Variants in FBXL20 observed in about 807,000 individuals in gnomAD.
FBXL20 encodes the protein F-box and leucine rich repeat protein 20, also known as F-box/LRR-repeat protein 20.
FBXL20 carries 11 observed loss-of-function variants against 64.0 expected under a neutral mutation model. That is an observed-to-expected ratio of 0.17 (90% CI 0.11 to 0.28). FBXL20 has a LOEUF of 0.28. Among genes scored for constraint, FBXL20 ranks in the 10% least tolerant of loss-of-function variants. FBXL20 has a pLI of 1.00. For missense variants in FBXL20, 303 were observed against 526.2 expected (o/e 0.58, Z 4.15); for synonymous variants, 184 against 189.0 (o/e 0.97, Z 0.22).
intron 2 of FBXL20, 79 bp from the exon 3 acceptor site, chr17:39,303,718 A>T: frequency 7.6e-7 from 1 of 1,311,166 alleles, no homozygotes; most frequent in Non-Finnish European, 1.1e-6. Context: ...ACAGGGTCTC[A>T]CTCTGTCAGC....
At chr17:39,342,989 T>G (rs554621933) in intron 2 of FBXL20, among the ~76,000 whole-genome samples, 191 bp downstream of exon 2, 26 of 152,234 alleles carry the variant, frequency 1.7e-4, no homozygotes, top group Non-Finnish European at 3.4e-4. Flanking sequence ...TGGAAAAAAT[T>G]GGTACTAAAT....
intron 1 of FBXL20, among the ~76,000 whole-genome samples, chr17:39,396,009 G>T (rs1204696016): frequency 7.7e-6 from 1 of 129,364 alleles, no homozygotes; most frequent in Non-Finnish European, 1.6e-5. Flanking sequence ...AGTTTTGTGG[G>T]GTTTTTTTTT....
chr17:39,306,154 C>CT (rs113757275), intron 2 of FBXL20, among the ~76,000 whole-genome samples: 2,253 of 140,712 alleles, frequency 0.016, 47 homozygotes, highest in Middle Eastern at 0.077. Context: ...AGAGTGAGTT[C>CT]TTTTTTTTTT....
chr17:39,320,563 T>C (rs1024366001), intron 2 of FBXL20, among the ~76,000 whole-genome samples: 1 of 151,962 alleles, frequency 6.6e-6, no homozygotes, highest in African/African-American at 2.4e-5. Flanking sequence ...TGATTTCTGA[T>C]AGTGCCCTGT....
At position 39,268,001 on chromosome 17, in the gene FBXL20, CTCTT is replaced by C. The variant is rs2046807573; in HGVS notation, c.933+822_933+825del. 3.9e-5 allele frequency among the ~76,000 whole-genome samples: 6 copies of C among 152,234 alleles called. No individual in the cohort carries two copies. The South Asian group carries it at 1.2e-3, about 32-fold the overall frequency. ...ATTTTTACCATTAAAAAATTAATTGCTCTTTCTTTTGTGGAGTCCCATGTTCGAA... is the reference window on the plus strand; with the variant it reads ...ATTTTTACCATTAAAAAATTAATTGCTCTTTTGTGGAGTCCCATGTTCGAA... On this transcript the variant is annotated intron_variant, in intron 12 of 14. Coordinates refer to ENST00000264658, the MANE Select transcript of FBXL20 (RefSeq NM_032875.3).
At chr17:39,352,969 A>G (rs2047702110) in intron 1 of FBXL20, among the ~76,000 whole-genome samples, 1 of 152,138 alleles carries the variant, frequency 6.6e-6, no homozygotes, top group African/African-American at 2.4e-5. Flanking sequence ...GAGTACTTAA[A>G]GAGAGAGGTT....
chr17:39,386,556 G>A (rs984865936), intron 1 of FBXL20, among the ~76,000 whole-genome samples: 4 of 149,410 alleles, frequency 2.7e-5, no homozygotes, highest in East Asian at 4.0e-4. Context: ...CCCGGGAGGC[G>A]GAGGTTGCAG....
rs182970779 is a variant in FBXL20 at position 39,254,393 on chromosome 17, G to A, written c.*7067C>T. 2 of 152,396 alleles carry A rather than the reference G, an allele frequency of 1.3e-5. No individual in the cohort carries two copies. Among genetic ancestry groups the A allele is most frequent in the Non-Finnish European group, 2.9e-5 (2 of 68,072 alleles). 9.4% of individuals were successfully genotyped at this position (152,396 alleles called of 1,614,324 possible). On this transcript the variant is annotated 3_prime_UTR_variant, in exon 15 of 15. Transcript: ENST00000264658. ...TTAACAAAAAAGACGTCACTTCAAA[G>A]ATGATCCTTGGTTCTTGGGGCATGA...
At chr17:39,346,521 G>A (rs1459907694) in intron 1 of FBXL20, among the ~76,000 whole-genome samples, 1 of 152,036 alleles carries the variant, frequency 6.6e-6, no homozygotes, top group Non-Finnish European at 1.5e-5. Flanking sequence ...TAAAATTATG[G>A]TCCAAGTAAA....
At chr17:39,321,233 C>CACGA (rs1277963885) in intron 2 of FBXL20, among the ~76,000 whole-genome samples, 1 of 152,020 alleles carries the variant, frequency 6.6e-6, no homozygotes, top group Non-Finnish European at 1.5e-5. Context: ...GTGGGTGGAT[C>CACGA]ACGAGGTCAG....
intron 4 of FBXL20, among the ~76,000 whole-genome samples, chr17:39,299,307 T>C (rs1304276392): frequency 6.6e-6 from 1 of 152,166 alleles, no homozygotes; most frequent in East Asian, 1.9e-4. Context: ...TTGTAAAATA[T>C]ATTCTGTACT....
intron 14 of FBXL20, 51 bp from the exon 15 acceptor site, chr17:39,261,618 G>C (rs376182650): frequency 5.1e-6 from 7 of 1,382,078 alleles, no homozygotes; most frequent in African/African-American, 1.4e-5. Context: ...TAAACAGAAA[G>C]AGCAATGTTG....
At chr17:39,320,574 C>A (rs1292323634) in intron 2 of FBXL20, among the ~76,000 whole-genome samples, 1 of 151,504 alleles carries the variant, frequency 6.6e-6, no homozygotes, top group Admixed American at 6.6e-5. Context: ...AGTGCCCTGT[C>A]CAGAATGTCT....
chr17:39,386,547 C>A (rs1159403791), intron 1 of FBXL20, among the ~76,000 whole-genome samples: 1 of 151,906 alleles, frequency 6.6e-6, no homozygotes, highest in Non-Finnish European at 1.5e-5. Flanking sequence ...TCGCTTGAAC[C>A]CGGGAGGCGG....
rs779429105 is a variant in FBXL20 at position 39,401,314 on chromosome 17, C to T, written c.42+47G>A. Reference sequence around the variant, plus strand: ...CGGAGCGGACGTTTTGGGATTAGAGCGCGCGACCCGCCCTCCTCACGCCGC... The same window carrying T: ...CGGAGCGGACGTTTTGGGATTAGAGTGCGCGACCCGCCCTCCTCACGCCGC... On this transcript the variant is annotated intron_variant, in intron 1 of 14. Coordinates refer to ENST00000264658, the MANE Select transcript of FBXL20 (RefSeq NM_032875.3). 14 of 1,611,918 alleles carry T rather than the reference C, an allele frequency of 8.7e-6. No individual in the cohort carries two copies. The Admixed American group carries it at 2.3e-4, about 27-fold the overall frequency.
At chr17:39,352,078 A>G (rs1244523382) in intron 1 of FBXL20, among the ~76,000 whole-genome samples, 1 of 152,202 alleles carries the variant, frequency 6.6e-6, no homozygotes, top group Admixed American at 6.5e-5. Context: ...TGCCTTTTCT[A>G]TCAGTTTCTA....
At chr17:39,338,443 G>C (rs1597806598) in intron 2 of FBXL20, among the ~76,000 whole-genome samples, 1 of 152,204 alleles carries the variant, frequency 6.6e-6, no homozygotes, top group African/African-American at 2.4e-5. Flanking sequence ...AGAGACCTTT[G>C]TTCACTTGTT....
At chr17:39,363,810 C>CAAAAAAAAAAAAAAAAAAA (rs71372113) in intron 1 of FBXL20, among the ~76,000 whole-genome samples, 3 of 26,600 alleles carry the variant, frequency 1.1e-4, no homozygotes, top group Non-Finnish European at 1.9e-4. Flanking sequence ...GACTTTATCT[C>CAAAAAAAAAAAAAAAAAAA]AAAAAAAAAA....
At chr17:39,352,873 A>G (rs1298359583) in intron 1 of FBXL20, among the ~76,000 whole-genome samples, 1 of 152,124 alleles carries the variant, frequency 6.6e-6, no homozygotes, top group Non-Finnish European at 1.5e-5. Context: ...TGGAAAGAAG[A>G]CTATTTCTCT....
Sources: gnomAD v4.1 joint callset for allele counts (sites outside exome capture counted in the v4.1 genomes callset) on GRCh38, gnomAD v4.1.1 for gene constraint, MANE v1.5 for transcripts, NCBI Gene and HGNC (gene_info 2026-07-23, HGNC 2026-07-21) for gene names.